The following TAS2R1 variants were observed in gnomAD, a reference collection of about 807,000 sequenced individuals.
The protein encoded by TAS2R1 is taste receptor type 2 member 1.
For synonymous variants in TAS2R1, 141 were observed against 134.2 expected, an observed-to-expected ratio of 1.05 and a Z score of -0.35; for missense variants, 370 against 353.4, an observed-to-expected ratio of 1.05 and a Z score of -0.38.
At chr5:9,851,532 T>TC in the TAS2R1 span, among the ~76,000 whole-genome samples, 3 of 151,592 alleles carry the variant, frequency 2.0e-5, no homozygotes, top group Admixed American at 2.0e-4. Flanking sequence ...TTTTTTTTTT[T>TC]TCTTTTACTT....
the TAS2R1 span, among the ~76,000 whole-genome samples, chr5:9,837,742 G>A: frequency 6.6e-6 from 1 of 152,184 alleles, no homozygotes; most frequent in Middle Eastern, 3.2e-3. Context: ...TTGGCTTTGG[G>A]ATACAAATGT....
rs554288316 is a variant in TAS2R1 at position 9,662,955 on chromosome 5, TATC to T, written c.-241-3377_-241-3375del. Among the ~76,000 whole-genome samples, 17 of 151,810 alleles carry T rather than the reference TATC, an allele frequency of 1.1e-4. No individual in the cohort carries two copies. In the East Asian group the frequency reaches 3.3e-3, roughly 29 times the overall value. On this transcript the variant is annotated intron_variant, in intron 1 of 2. Coordinates refer to the TAS2R1 transcript ENST00000506620. ...AATTGTCATTTTGAAGTCAGTACAT[TATC>T]ATTTCTTTGTAATTCAAAGCTGTGG...
the TAS2R1 span, among the ~76,000 whole-genome samples, chr5:9,808,868 G>A: frequency 1.2e-4 from 18 of 152,228 alleles, no homozygotes; most frequent in East Asian, 3.5e-3. Context: ...ATTGCCATAG[G>A]GGTGGGGCCA....
rs372053308 is a variant in TAS2R1, at chr5:9,628,795, T to G, written c.*338A>C. On this transcript the variant is annotated 3_prime_UTR_variant, in exon 1 of 1. Transcript: ENST00000382492. ...TTTCATCAAACTTTTAATTTTGAAATAATTGTAGATTTGAATGCATTTGTA... is the reference window on the plus strand; with the variant it reads ...TTTCATCAAACTTTTAATTTTGAAAGAATTGTAGATTTGAATGCATTTGTA... Among the ~76,000 whole-genome samples, 2 of 152,314 alleles carry G rather than the reference T, an allele frequency of 1.3e-5. No individual in the cohort carries two copies. Among genetic ancestry groups the G allele is most frequent in the East Asian group, 3.9e-4 (2 of 5,188 alleles).
chr5:9,803,734 T>A, the TAS2R1 span, among the ~76,000 whole-genome samples: 3 of 152,190 alleles, frequency 2.0e-5, no homozygotes, highest in Admixed American at 2.0e-4. Context: ...CAAGAATTGC[T>A]ACAAGGAGCT....
At chr5:9,679,667 G>A (rs1224541985) in intron 1 of TAS2R1, among the ~76,000 whole-genome samples, 1 of 152,192 alleles carries the variant, frequency 6.6e-6, no homozygotes. Context: ...CACTGTGGAA[G>A]TGAGAATTTA....
At chr5:9,803,448 C>T in the TAS2R1 span, among the ~76,000 whole-genome samples, 293 of 152,158 alleles carry the variant, frequency 1.9e-3, 1 homozygote, top group African/African-American at 6.5e-3. Flanking sequence ...CATCAGGTTA[C>T]CTAAAGTCAA....
the TAS2R1 span, among the ~76,000 whole-genome samples, chr5:9,726,589 G>C: frequency 6.6e-6 from 1 of 152,138 alleles, no homozygotes; most frequent in Non-Finnish European, 1.5e-5. Flanking sequence ...TCCTGAGCCA[G>C]CGAAACCACC....
chr5:9,703,445 T>C (rs1002468787), intron 1 of TAS2R1, among the ~76,000 whole-genome samples: 1 of 152,134 alleles, frequency 6.6e-6, no homozygotes, highest in Non-Finnish European at 1.5e-5. Context: ...CCAGGGAGCC[T>C]GTACTCTGTA....
At chr5:9,688,303 A>G (rs1741167591) in intron 1 of TAS2R1, among the ~76,000 whole-genome samples, 1 of 152,120 alleles carries the variant, frequency 6.6e-6, no homozygotes, top group Non-Finnish European at 1.5e-5. Context: ...AAATATCCTC[A>G]GCGCTCCCCC....
At chr5:9,751,581 C>T in the TAS2R1 span, among the ~76,000 whole-genome samples, 2 of 152,082 alleles carry the variant, frequency 1.3e-5, no homozygotes, top group Non-Finnish European at 2.9e-5. Context: ...TTATTATTTA[C>T]CCCAAAATAA....
At chr5:9,834,753 T>TAA in the TAS2R1 span, among the ~76,000 whole-genome samples, 33,440 of 145,436 alleles carry the variant, frequency 0.23, 3,955 homozygotes, top group African/African-American at 0.31. Context: ...ATTACTGCAT[T>TAA]AAAAAAAAAA....
chr5:9,794,451 C>T, the TAS2R1 span, among the ~76,000 whole-genome samples: 1 of 151,968 alleles, frequency 6.6e-6, no homozygotes, highest in African/African-American at 2.4e-5. Flanking sequence ...CGTTTGAGTG[C>T]TTAAGTGAAT....
At chr5:9,857,685 T>TC in the TAS2R1 span, among the ~76,000 whole-genome samples, 1 of 152,224 alleles carries the variant, frequency 6.6e-6, no homozygotes, top group Admixed American at 6.5e-5. Flanking sequence ...ATTATTGTGT[T>TC]CTTTGGGTAG....
the TAS2R1 span, among the ~76,000 whole-genome samples, chr5:9,851,788 G>C: frequency 6.6e-6 from 1 of 152,152 alleles, no homozygotes; most frequent in Non-Finnish European, 1.5e-5. Flanking sequence ...CCCATACAGG[G>C]CTGTGACATG....
chr5:9,766,448 C>T, the TAS2R1 span, among the ~76,000 whole-genome samples: 1 of 152,186 alleles, frequency 6.6e-6, no homozygotes, highest in African/African-American at 2.4e-5. Flanking sequence ...AGGTAGCAGG[C>T]AGAGTGATCA....
At chr5:9,648,640 G>T (rs575767579) in intron 2 of TAS2R1, among the ~76,000 whole-genome samples, 77 of 151,644 alleles carry the variant, frequency 5.1e-4, no homozygotes, top group African/African-American at 1.8e-3. Flanking sequence ...TGGTACTGTC[G>T]AAATGAAAAA....
At chr5:9,782,316 T>C in the TAS2R1 span, among the ~76,000 whole-genome samples, 5 of 152,176 alleles carry the variant, frequency 3.3e-5, no homozygotes, top group African/African-American at 1.2e-4. Context: ...GATTTGCAGG[T>C]TTCTGGAAGA....
the TAS2R1 span, among the ~76,000 whole-genome samples, chr5:9,841,380 C>T: frequency 1.3e-5 from 2 of 152,152 alleles, no homozygotes; most frequent in African/African-American, 4.8e-5. Context: ...TGTTTCTTTA[C>T]TTACATACAT....
Sources: gnomAD v4.1 joint callset for allele counts (sites outside exome capture counted in the v4.1 genomes callset) on GRCh38, gnomAD v4.1.1 for gene constraint, MANE v1.5 for transcripts, NCBI Gene and HGNC (gene_info 2026-07-23, HGNC 2026-07-21) for gene names.